KCNH1: variants seen among roughly 807,000 people sequenced by gnomAD.
KCNH1 encodes potassium voltage-gated channel subfamily H member 1, also known as voltage-gated delayed rectifier potassium channel KCNH1.
KCNH1 carries 27 observed loss-of-function variants against 69.2 expected under a neutral mutation model. The observed-to-expected ratio is 0.39, with a 90% CI of 0.29 to 0.54. The LOEUF (loss-of-function observed/expected upper bound fraction) is 0.54, where lower values mean the gene tolerates loss of function less well. Ranked by LOEUF, KCNH1 falls within the 20% of genes least tolerant of loss-of-function variation. The probability of loss-of-function intolerance (pLI) is 0.68; values close to 1 mark genes in which losing one functional copy is unlikely to be tolerated. For synonymous variants in KCNH1, 456 were observed against 487.7 expected (o/e 0.93, Z 0.86); for missense variants, 798 against 1,261.6 (o/e 0.63, Z 5.57).
chr1:210,986,682 G>A (rs1361239823), intron 6 of KCNH1, among the ~76,000 whole-genome samples: 1 of 152,156 alleles, frequency 6.6e-6, no homozygotes, highest in Non-Finnish European at 1.5e-5. Context: ...TCCCTTTGTG[G>A]GTAACCCGAC....
At chr1:210,710,760 C>T (rs1682052758) in intron 10 of KCNH1, among the ~76,000 whole-genome samples, 1 of 146,712 alleles carries the variant, frequency 6.8e-6, no homozygotes, top group Non-Finnish European at 1.5e-5. Context: ...TTTTACCACA[C>T]CCGCTGCTCT....
chr1:210,817,189 C>G (rs1044020393), intron 7 of KCNH1, among the ~76,000 whole-genome samples: 1 of 152,100 alleles, frequency 6.6e-6, no homozygotes, highest in East Asian at 1.9e-4. Flanking sequence ...CAATCTTCTA[C>G]CACATGGGAT....
intron 10 of KCNH1, among the ~76,000 whole-genome samples, chr1:210,741,043 G>C (rs1683015169): frequency 6.6e-6 from 1 of 152,014 alleles, no homozygotes; most frequent in East Asian, 1.9e-4. Context: ...TCTCTAAAAG[G>C]ACTAAATATC....
chr1:210,840,780 A>G (rs999501940), intron 7 of KCNH1, among the ~76,000 whole-genome samples: 1 of 152,196 alleles, frequency 6.6e-6, no homozygotes, highest in African/African-American at 2.4e-5. Flanking sequence ...AAGCCCCTCA[A>G]GTCACCCAAG....
At chr1:210,819,699 T>G (rs762318807) in intron 7 of KCNH1, among the ~76,000 whole-genome samples, 3 of 152,228 alleles carry the variant, frequency 2.0e-5, no homozygotes, top group Admixed American at 6.5e-5. Context: ...TTAGAAATCA[T>G]TGGCTTCCAC....
In KCNH1 at chr1:210,682,185, A is replaced by C. The variant is rs1681285254; in HGVS notation, c.*1096T>G. 1 of 152,210 alleles carries C rather than the reference A, an allele frequency of 6.6e-6. No homozygotes were observed. The highest frequency in any genetic ancestry group is 1.5e-5 in the Non-Finnish European group (1 of 68,044). The allele number at this position is 152,210 out of a possible 1,614,324, so 9.4% of individuals were successfully genotyped here. On this transcript the variant is annotated 3_prime_UTR_variant, in exon 11 of 11. Coordinates refer to ENST00000271751, the MANE Select transcript of KCNH1 (RefSeq NM_172362.3). The stretch of plus-strand genomic sequence containing the variant: ...GAAATCCTACTGACTTTAATAGGAA[A>C]TAGAGAGACTGGCTTTAAAATAAGG...
In KCNH1 at chr1:210,913,671, G is replaced by A. The variant is rs117573521; in HGVS notation, c.1462+5969C>T. On this transcript the variant is annotated intron_variant, in intron 7 of 10. Transcript: ENST00000271751. ...CCAACAAGCTCTTCCTGCTGTGGAG[G>A]ACTAATGTTTCCTAGTATCAACTGA... Among the ~76,000 whole-genome samples the A allele has an allele frequency of 1.6e-4, 24 of 152,260 alleles. No individual in the cohort carries two copies. The East Asian group carries it at 3.7e-3, about 23-fold the overall frequency.
At chr1:210,959,726 G>C (rs1399598597) in intron 6 of KCNH1, among the ~76,000 whole-genome samples, 1 of 152,224 alleles carries the variant, frequency 6.6e-6, no homozygotes, top group Non-Finnish European at 1.5e-5. Context: ...GCATAGGAGA[G>C]AATCTCCTGG....
chr1:210,859,676 C>T, intron 7 of KCNH1: 3 of 1,293,744 alleles, frequency 2.3e-6, no homozygotes, highest in South Asian at 1.2e-5. Flanking sequence ...CTTTTTAATC[C>T]ATTAAATAAA....
chr1:210,863,977 G>A (rs1202201529), intron 7 of KCNH1, among the ~76,000 whole-genome samples: 2 of 19,342 alleles, frequency 1.0e-4, no homozygotes, highest in Admixed American at 4.0e-4. Flanking sequence ...TAGGAAACCT[G>A]CTGCTAACTA....
chr1:210,797,683 CG>C lies in KCNH1; in HGVS notation c.1739del (p.Pro580ArgfsTer49). On this transcript the variant is annotated frameshift_variant, in exon 9 of 11. Transcript: ENST00000271751. LOFTEE classifies it high-confidence loss of function. ...AGCCATCACTGGCCAGCCGGAAGGC[CG>C]GGTGCTCCTTGAACACCTTGCGGTT... ...HLNRKVFKEHPAFRLASDGCL... is the reference protein window; with the variant it reads ...HLNRKVFKEHXAFRLASDGCL... The C allele has an allele frequency of 6.2e-7, 1 of 1,614,214 alleles. No individual in the cohort carries two copies. Among genetic ancestry groups the C allele is most frequent in the South Asian group, 1.1e-5 (1 of 91,088 alleles).
At chr1:210,845,508 G>A (rs972048943) in intron 7 of KCNH1, among the ~76,000 whole-genome samples, 11 of 152,108 alleles carry the variant, frequency 7.2e-5, no homozygotes, top group African/African-American at 2.4e-4. Context: ...TGCAGAAAAG[G>A]CCTTTGACAA....
chr1:210,771,448 G>C (rs77963083), intron 10 of KCNH1, among the ~76,000 whole-genome samples: 6 of 152,178 alleles, frequency 3.9e-5, no homozygotes, highest in South Asian at 2.1e-4. Flanking sequence ...TTCCCAGAGC[G>C]ACTGATCCCT....
intron 1 of KCNH1, among the ~76,000 whole-genome samples, chr1:211,121,014 T>TA (rs1234074420): frequency 1.3e-5 from 2 of 151,996 alleles, no homozygotes; most frequent in Non-Finnish European, 2.9e-5. Flanking sequence ...AAACTACTGC[T>TA]CAGGGAAATA....
At chr1:210,898,392 A>G (rs1354106696) in intron 7 of KCNH1, among the ~76,000 whole-genome samples, 1 of 152,218 alleles carries the variant, frequency 6.6e-6, no homozygotes, top group East Asian at 1.9e-4. Flanking sequence ...ATTAACAGGC[A>G]TGGTTTTGCC....
chr1:210,949,861 A>G (rs1236143718), intron 6 of KCNH1, among the ~76,000 whole-genome samples: 2 of 152,230 alleles, frequency 1.3e-5, no homozygotes, highest in African/African-American at 4.8e-5. Flanking sequence ...CAACATTATG[A>G]GATAACATTA....
At chr1:210,954,409 G>T (rs1688127414) in intron 6 of KCNH1, among the ~76,000 whole-genome samples, 1 of 152,056 alleles carries the variant, frequency 6.6e-6, no homozygotes, top group Non-Finnish European at 1.5e-5. Flanking sequence ...TAATGCTTTG[G>T]GTATATACCC....
At chr1:211,021,575 T>TACAC (rs34414913) in intron 5 of KCNH1, among the ~76,000 whole-genome samples, 8,760 of 149,636 alleles carry the variant, frequency 0.059, 308 homozygotes, top group East Asian at 0.17. Flanking sequence ...AAACATAGAC[T>TACAC]ACACACACAC....
intron 10 of KCNH1, among the ~76,000 whole-genome samples, chr1:210,760,713 A>G (rs6698206): frequency 0.94 from 143,470 of 152,282 alleles, 68,171 homozygotes; most frequent in East Asian, 1. Flanking sequence ...CGCATCTTAC[A>G]TGGATGGTAG....
Sources: allele counts gnomAD v4.1 joint callset (sites outside exome capture counted in the v4.1 genomes callset), GRCh38; gene constraint gnomAD v4.1.1; transcripts MANE v1.5; gene names NCBI Gene and HGNC (gene_info 2026-07-23, HGNC 2026-07-21).